Variants in LRMDA observed in about 807,000 individuals in gnomAD.
The protein encoded by LRMDA is leucine rich melanocyte differentiation associated.
A neutral mutation model predicts 29.8 loss-of-function variants in LRMDA; 18 were observed. That is an observed-to-expected ratio of 0.60 (90% CI 0.42 to 0.90). The LOEUF (loss-of-function observed/expected upper bound fraction) is 0.90. Ranked by LOEUF, LRMDA falls within the 40% of genes least tolerant of loss-of-function variation. The pLI is 0.00. For missense variants in LRMDA, 273 were observed against 273.9 expected (o/e 1.00, Z 0.02); for synonymous variants, 125 against 109.4 (o/e 1.14, Z -0.89).
At chr10:76,475,645 G>A (rs1338264344) in intron 6 of LRMDA, among the ~76,000 whole-genome samples, 2 of 152,008 alleles carry the variant, frequency 1.3e-5, no homozygotes, top group African/African-American at 4.8e-5. Flanking sequence ...CCACATAGTT[G>A]GAAGTAAAGC....
chr10:75,917,565 C>T (rs961132400), intron 2 of LRMDA, among the ~76,000 whole-genome samples: 4 of 152,148 alleles, frequency 2.6e-5, no homozygotes, highest in South Asian at 2.1e-4. Context: ...AATCCGGAAT[C>T]GGGAGAGTGT....
chr10:76,481,212 G>A (rs559831175), intron 6 of LRMDA, among the ~76,000 whole-genome samples: 1 of 151,944 alleles, frequency 6.6e-6, no homozygotes, highest in African/African-American at 2.4e-5. Context: ...TTATTCAACT[G>A]TAGACTTAAA....
At chr10:76,136,841 A>G (rs534654800) in intron 5 of LRMDA, among the ~76,000 whole-genome samples, 1 of 152,328 alleles carries the variant, frequency 6.6e-6, no homozygotes, top group African/African-American at 2.4e-5. Context: ...AGGAGGACCA[A>G]GCGTATCAAT....
intron 5 of LRMDA, among the ~76,000 whole-genome samples, chr10:76,274,856 C>T (rs931980995): frequency 1.3e-5 from 2 of 152,222 alleles, no homozygotes; most frequent in Non-Finnish European, 2.9e-5. Context: ...CCTACCATTC[C>T]CCTACCTCTC....
At chr10:75,529,494 T>A (rs1029181640) in intron 2 of LRMDA, among the ~76,000 whole-genome samples, 1 of 152,022 alleles carries the variant, frequency 6.6e-6, no homozygotes, top group African/African-American at 2.4e-5. Flanking sequence ...AGAAAGGAGA[T>A]GTTCTCATTA....
chr10:76,456,472 A>T (rs1186438261), intron 6 of LRMDA, among the ~76,000 whole-genome samples: 1 of 152,186 alleles, frequency 6.6e-6, no homozygotes, highest in East Asian at 1.9e-4. Flanking sequence ...TCAGATGTCC[A>T]TTGAAAAGCT....
At chr10:75,803,413 A>G (rs757698558) in intron 2 of LRMDA, among the ~76,000 whole-genome samples, 50 of 152,330 alleles carry the variant, frequency 3.3e-4, no homozygotes, top group Non-Finnish European at 6.2e-4. Context: ...GTTCTTGGTA[A>G]CAGGGTGAAG....
intron 2 of LRMDA, among the ~76,000 whole-genome samples, chr10:76,031,239 T>C (rs1326018999): frequency 6.6e-6 from 1 of 152,106 alleles, no homozygotes; most frequent in Non-Finnish European, 1.5e-5. Flanking sequence ...ATTATTTACC[T>C]ACTGAAGGAA....
intron 2 of LRMDA, among the ~76,000 whole-genome samples, chr10:75,614,885 G>T (rs1460367947): frequency 6.6e-6 from 1 of 152,056 alleles, no homozygotes; most frequent in African/African-American, 2.4e-5. Flanking sequence ...TGGAACATCT[G>T]TGTTCAGTGG....
chr10:75,607,827 T>TG (rs1564521192), intron 2 of LRMDA, among the ~76,000 whole-genome samples: 2 of 122,506 alleles, frequency 1.6e-5, no homozygotes, highest in African/African-American at 5.4e-5. Context: ...TTCAGTGGTT[T>TG]TTTTTTTTTT....
chr10:76,486,213 A>C (rs1251367908), intron 6 of LRMDA, among the ~76,000 whole-genome samples: 2 of 151,948 alleles, frequency 1.3e-5, no homozygotes, highest in Non-Finnish European at 2.9e-5. Context: ...TAAAGCCGGC[A>C]ATCCACCCAG....
At chr10:76,425,058 A>G (rs1907348) in intron 6 of LRMDA, among the ~76,000 whole-genome samples, 65,566 of 152,050 alleles carry the variant, frequency 0.43, 15,077 homozygotes, top group Middle Eastern at 0.61. Context: ...TGTATTTGAG[A>G]TGCTGGAACG....
intron 5 of LRMDA, among the ~76,000 whole-genome samples, chr10:76,280,271 A>T (rs1420542565): frequency 6.6e-6 from 1 of 152,166 alleles, no homozygotes; most frequent in African/African-American, 2.4e-5. Context: ...GATGGAAAGA[A>T]TGAAGGGCAG....
At chr10:75,489,792 G>A (rs967286077) in intron 2 of LRMDA, among the ~76,000 whole-genome samples, 1 of 152,140 alleles carries the variant, frequency 6.6e-6, no homozygotes, top group African/African-American at 2.4e-5. Flanking sequence ...GGAAAAACAA[G>A]GATTGGACTT....
At chr10:76,510,063 G>T (rs1473930712) in intron 6 of LRMDA, among the ~76,000 whole-genome samples, 2 of 151,974 alleles carry the variant, frequency 1.3e-5, no homozygotes, top group African/African-American at 4.8e-5. Context: ...TTCCATTTTT[G>T]TTGTTGTTTG....
intron 2 of LRMDA, among the ~76,000 whole-genome samples, chr10:75,968,472 C>A (rs73281432): frequency 1.3e-3 from 198 of 152,252 alleles, no homozygotes; most frequent in African/African-American, 4.4e-3. Flanking sequence ...TCTTAAGTTC[C>A]AGAGTGATAG....
chr10:76,340,564 A>G (rs76938411), intron 6 of LRMDA, among the ~76,000 whole-genome samples: 12,505 of 150,706 alleles, frequency 0.083, 831 homozygotes, highest in East Asian at 0.32. Context: ...AACCTATGAA[A>G]TTTAACAACC....
chr10:75,517,638 A>G (rs1845307183), intron 2 of LRMDA, among the ~76,000 whole-genome samples: 1 of 152,184 alleles, frequency 6.6e-6, no homozygotes, highest in Non-Finnish European at 1.5e-5. Context: ...CAGTCATGTC[A>G]TCTGCAAACA....
chr10:75,692,202 T>TG (rs1487031449), intron 2 of LRMDA, among the ~76,000 whole-genome samples: 2,614 of 86,226 alleles, frequency 0.03, 31 homozygotes, highest in Non-Finnish European at 0.037. Context: ...ACCTTGTCTC[T>TG]GGGGGGAAAA....
Sources: gnomAD v4.1 joint callset for allele counts (sites outside exome capture counted in the v4.1 genomes callset) on GRCh38, gnomAD v4.1.1 for gene constraint, MANE v1.5 for transcripts, NCBI Gene and HGNC (gene_info 2026-07-23, HGNC 2026-07-21) for gene names.